Variants in ADAMTSL1 observed in about 807,000 individuals in gnomAD.
ADAMTSL1 encodes the protein ADAMTS like 1, also known as ADAMTS-like protein 1.
Under a neutral mutation model 201.8 loss-of-function variants are expected in ADAMTSL1, and 126 were observed. The ratio of observed to expected loss-of-function variants is 0.62; its 90% confidence interval spans 0.54 to 0.72. The LOEUF is 0.72. Ranked by LOEUF, ADAMTSL1 falls within the 30% of genes least tolerant of loss-of-function variation. The pLI, the probability that ADAMTSL1 is intolerant of heterozygous loss-of-function variation, is 0.00. For synonymous variants in ADAMTSL1, 1,121 were observed against 903.4 expected (o/e 1.24, Z -4.32); for missense variants, 2,679 against 2,277.8 (o/e 1.18, Z -3.59).
At chr9:18,177,273 A>G (rs932224293) in intron 2 of ADAMTSL1, among the ~76,000 whole-genome samples, 1 of 152,124 alleles carries the variant, frequency 6.6e-6, no homozygotes, top group Non-Finnish European at 1.5e-5. Context: ...GTTGTTGAAA[A>G]CTATGGTGTT....
chr9:18,116,412 A>G (rs1825251005), intron 1 of ADAMTSL1, among the ~76,000 whole-genome samples: 1 of 152,280 alleles, frequency 6.6e-6, no homozygotes, highest in Middle Eastern at 3.4e-3. Flanking sequence ...CAACAATTAT[A>G]TTGAGTATTC....
intron 1 of ADAMTSL1, among the ~76,000 whole-genome samples, chr9:18,123,240 GA>G (rs1564012411): frequency 6.6e-6 from 1 of 152,082 alleles, no homozygotes; most frequent in Non-Finnish European, 1.5e-5. Flanking sequence ...ATTATAACAA[GA>G]CACATTTTAT....
chr9:18,575,740 A>G (rs1378148034), intron 4 of ADAMTSL1, among the ~76,000 whole-genome samples: 2 of 152,228 alleles, frequency 1.3e-5, no homozygotes, highest in Non-Finnish European at 2.9e-5. Context: ...ACTGAGGACC[A>G]GAAAATATGC....
At chr9:18,518,111 C>T (rs1454615033) in intron 2 of ADAMTSL1, among the ~76,000 whole-genome samples, 1 of 152,210 alleles carries the variant, frequency 6.6e-6, no homozygotes, top group South Asian at 2.1e-4. Flanking sequence ...ACCAAACAGA[C>T]TGCAAGGGAA....
At chr9:18,394,536 G>A (rs1444141150) in intron 2 of ADAMTSL1, among the ~76,000 whole-genome samples, 2 of 152,206 alleles carry the variant, frequency 1.3e-5, no homozygotes, top group African/African-American at 4.8e-5. Flanking sequence ...ATAAGAGAAA[G>A]AAGCTTGTTA....
chr9:18,254,073 T>C (rs1451801381), intron 2 of ADAMTSL1, among the ~76,000 whole-genome samples: 1 of 152,160 alleles, frequency 6.6e-6, no homozygotes, highest in Non-Finnish European at 1.5e-5. Flanking sequence ...GAGCCTGAGC[T>C]CTGGAGTCAG....
chr9:18,565,460 G>A (rs888613687), intron 3 of ADAMTSL1, among the ~76,000 whole-genome samples: 3 of 149,878 alleles, frequency 2.0e-5, no homozygotes, highest in African/African-American at 7.4e-5. Context: ...AAAAGTAAAA[G>A]AAATCTGTAA....
At chr9:18,064,925 A>T (rs1031464357) in intron 1 of ADAMTSL1, among the ~76,000 whole-genome samples, 6 of 143,972 alleles carry the variant, frequency 4.2e-5, no homozygotes, top group Non-Finnish European at 9.0e-5. Context: ...GTATTCAAAA[A>T]TTGATTCAGA....
intron 2 of ADAMTSL1, among the ~76,000 whole-genome samples, chr9:18,391,682 C>T (rs868824603): frequency 6.6e-6 from 1 of 152,002 alleles, no homozygotes. Flanking sequence ...AGATTTTGTC[C>T]TGAAAACCAA....
chr9:18,661,254 G>C (rs1428475631), intron 8 of ADAMTSL1, among the ~76,000 whole-genome samples: 1 of 152,130 alleles, frequency 6.6e-6, no homozygotes, highest in Non-Finnish European at 1.5e-5. Flanking sequence ...AGAAATATTC[G>C]CTAGAGACTT....
chr9:18,052,808 GT>G (rs138354986), intron 1 of ADAMTSL1, among the ~76,000 whole-genome samples: 15,594 of 152,038 alleles, frequency 0.1, 1,396 homozygotes, highest in African/African-American at 0.25. Context: ...GGGGTGACAT[GT>G]TTTTGGAAAT....
intron 2 of ADAMTSL1, among the ~76,000 whole-genome samples, chr9:18,377,927 C>T (rs192936203): frequency 2.6e-5 from 4 of 152,162 alleles, no homozygotes; most frequent in Non-Finnish European, 4.4e-5. Context: ...CTCCCTCCCC[C>T]TCAATTCTGT....
chr9:18,640,132 C>T (rs558006659), intron 7 of ADAMTSL1, among the ~76,000 whole-genome samples: 1 of 152,040 alleles, frequency 6.6e-6, no homozygotes. Context: ...CTTGATGACC[C>T]CATGGCAGCT....
In ADAMTSL1 at chr9:18,466,060, T is replaced by G. The variant is rs576743851; in HGVS notation, c.208-38769T>G. ...GCCACTGTGCCCGGCTTCAAGTATC[T>G]TATTTAAAAGAACTTTTCATTCTCT... On this transcript the variant is annotated intron_variant, in intron 2 of 29. Transcript: ENST00000680146. 2.6e-5 allele frequency among the ~76,000 whole-genome samples: 4 copies of G among 152,304 alleles called. No homozygotes were observed. In the South Asian group the frequency reaches 8.3e-4, roughly 32 times the overall value.
chr9:18,251,118 A>C (rs988861102), intron 2 of ADAMTSL1, among the ~76,000 whole-genome samples: 8 of 152,158 alleles, frequency 5.3e-5, no homozygotes, highest in African/African-American at 1.4e-4. Flanking sequence ...TATAATTAAA[A>C]ATTAATAGGT....
intron 1 of ADAMTSL1, among the ~76,000 whole-genome samples, chr9:18,020,617 AC>A (rs1820440889): frequency 6.6e-6 from 1 of 151,944 alleles, no homozygotes; most frequent in African/African-American, 2.4e-5. Flanking sequence ...GGCGGAGACC[AC>A]CCCCATGATC....
chr9:18,166,306 T>C (rs1436213731), intron 2 of ADAMTSL1, among the ~76,000 whole-genome samples: 3 of 151,900 alleles, frequency 2.0e-5, no homozygotes, highest in African/African-American at 7.2e-5. Context: ...GAATAGAGAA[T>C]AGTCGTGGTG....
At chr9:18,638,960 T>A (rs1827270492) in intron 6 of ADAMTSL1, among the ~76,000 whole-genome samples, 1 of 152,020 alleles carries the variant, frequency 6.6e-6, no homozygotes, top group South Asian at 2.1e-4. Flanking sequence ...AGGAATAGGG[T>A]TGCAGTAAAG....
chr9:18,796,056 A>G (rs915547924), intron 20 of ADAMTSL1, among the ~76,000 whole-genome samples: 1 of 152,174 alleles, frequency 6.6e-6, no homozygotes, highest in Admixed American at 6.5e-5. Flanking sequence ...CCCTTTATCC[A>G]TTGAGGTTAG....
Sources: gnomAD v4.1 joint callset for allele counts (sites outside exome capture counted in the v4.1 genomes callset) on GRCh38, gnomAD v4.1.1 for gene constraint, MANE v1.5 for transcripts, NCBI Gene and HGNC (gene_info 2026-07-23, HGNC 2026-07-21) for gene names.